CHD7: variants seen among roughly 807,000 people sequenced by gnomAD.
The protein encoded by CHD7 is chromodomain helicase DNA binding protein 7, also known as ATP-dependent chromatin remodeler CHD7.
In CHD7, 24 loss-of-function variants were observed where a neutral mutation model predicts 307.3. The observed-to-expected ratio is 0.08, with a 90% confidence interval of 0.06 to 0.11. CHD7 has a LOEUF of 0.11. Ranked by LOEUF, CHD7 falls within the 10% of genes least tolerant of loss-of-function variation. The probability of loss-of-function intolerance (pLI) is 1.00; values close to 1 mark genes in which losing one functional copy is unlikely to be tolerated. For synonymous variants in CHD7, 1,363 were observed against 1,349.9 expected (o/e 1.01, Z -0.21); for missense variants, 3,106 against 3,727.1 (o/e 0.83, Z 4.34).
intron 14 of CHD7, among the ~76,000 whole-genome samples, chr8:60,829,609 GGAAAA>G (rs1010437342): frequency 2.0e-5 from 3 of 151,922 alleles, no homozygotes; most frequent in African/African-American, 7.3e-5. Flanking sequence ...TCAAAAAAAA[GGAAAA>G]GAAAAGAAAA....
intron 1 of CHD7, among the ~76,000 whole-genome samples, chr8:60,739,435 A>G (rs1266202110): frequency 6.6e-6 from 1 of 152,194 alleles, no homozygotes; most frequent in Non-Finnish European, 1.5e-5. Flanking sequence ...CTGGCACTGG[A>G]GATGTCTACT....
At chr8:60,837,516 G>A (rs1009154321) in intron 17 of CHD7, among the ~76,000 whole-genome samples, 152 bp from the exon 18 acceptor site, 21 of 152,120 alleles carry the variant, frequency 1.4e-4, no homozygotes, top group African/African-American at 3.6e-4. Context: ...AATCCTGTTC[G>A]TGAGGACTCC....
At chr8:60,787,076 T>A (rs1160930961) in intron 3 of CHD7, among the ~76,000 whole-genome samples, 1 of 152,170 alleles carries the variant, frequency 6.6e-6, no homozygotes, top group Non-Finnish European at 1.5e-5. Flanking sequence ...CCCTTAAACT[T>A]CCATAGAATA....
At chr8:60,842,084 T>C in intron 21 of CHD7, 32 bp downstream of exon 21, 14 of 1,545,312 alleles carry the variant, frequency 9.1e-6, no homozygotes, top group Non-Finnish European at 1.2e-5. Context: ...AGATAGAATT[T>C]TATTGTAACA....
intron 1 of CHD7, among the ~76,000 whole-genome samples, chr8:60,734,322 C>T (rs142133863): frequency 2.2e-4 from 33 of 152,284 alleles, no homozygotes; most frequent in Middle Eastern, 3.4e-3. Flanking sequence ...TGAGAGTCTG[C>T]GTCTCTTACC....
chr8:60,733,792 C>CA (rs35440906), intron 1 of CHD7, among the ~76,000 whole-genome samples: 35,536 of 151,234 alleles, frequency 0.23, 4,693 homozygotes, highest in African/African-American at 0.36. Flanking sequence ...TTTTTTTTAT[C>CA]ATAAAGGCTA....
chr8:60,681,433 A>C (rs1053152187), intron 1 of CHD7, among the ~76,000 whole-genome samples: 11 of 152,210 alleles, frequency 7.2e-5, no homozygotes, highest in African/African-American at 2.7e-4. Context: ...AAGAGGCTGA[A>C]AGCTAGATGC....
chr8:60,793,647 AC>A (rs1163727301), intron 3 of CHD7, among the ~76,000 whole-genome samples: 4 of 152,218 alleles, frequency 2.6e-5, no homozygotes, highest in Non-Finnish European at 4.4e-5. Context: ...TTCTGTCAGC[AC>A]ATTTTCCTGA....
intron 34 of CHD7, among the ~76,000 whole-genome samples, chr8:60,859,577 A>G (rs1046020210): frequency 1.3e-5 from 2 of 152,198 alleles, no homozygotes; most frequent in African/African-American, 2.4e-5. Context: ...AGTGGAGGGA[A>G]GAGGATATGG....
At chr8:60,800,344 T>G (rs768027937) in intron 4 of CHD7, 44 bp from the exon 5 acceptor site, 3 of 1,595,746 alleles carry the variant, frequency 1.9e-6, no homozygotes, top group East Asian at 4.5e-5. Flanking sequence ...ATTTTTCTTT[T>G]TAATCATTAA....
Position 60,844,883 on chromosome 8 carries a change from A to G in CHD7, c.4870A>G (p.Ile1624Val), listed in dbSNP as rs1563651893. 6.2e-7 allele frequency: 1 copy of G among 1,604,120 alleles called. No individual in the cohort carries two copies. The highest frequency in any genetic ancestry group is 8.5e-7 in the Non-Finnish European group (1 of 1,172,962). ...TTGCAGTTGGGGACGGTGGACAGAC[A>G]TTCTTTCCCACGGACGCTATAAACG... ...LVYGWGRWTD[I>V]LSHGRYKRQL... The change falls in exon 22 of 38, where the codon ATT (isoleucine) becomes GTT (valine). Residue 1624 changes from isoleucine (I) to valine (V), a missense_variant. Ile to Val is a conservative substitution (Grantham distance 29). Around this residue, in one of 10 missense-constraint regions of CHD7, gnomAD observed 122 missense variants for 124.5 expected, o/e 0.98. Coordinates refer to ENST00000423902, the MANE Select transcript of CHD7 (RefSeq NM_017780.4).
At chr8:60,743,437 TTGTG>T (rs113886428) in intron 2 of CHD7, among the ~76,000 whole-genome samples, 1 of 152,202 alleles carries the variant, frequency 6.6e-6, no homozygotes, top group South Asian at 2.1e-4. Context: ...TTCTCTTTCT[TTGTG>T]TGTGTGTGTT....
intron 1 of CHD7, among the ~76,000 whole-genome samples, chr8:60,694,716 C>G (rs1335422820): frequency 6.6e-6 from 1 of 152,154 alleles, no homozygotes; most frequent in Non-Finnish European, 1.5e-5. Flanking sequence ...CCACTGCCAC[C>G]CCCTGTTGCC....
chr8:60,694,498 G>A (rs757967593), intron 1 of CHD7, among the ~76,000 whole-genome samples: 16 of 152,214 alleles, frequency 1.1e-4, no homozygotes, highest in Non-Finnish European at 1.5e-4. Flanking sequence ...ATCAGAAAGC[G>A]TGACTTGCCC....
At chr8:60,796,614 A>AG (rs765391631) in intron 4 of CHD7, among the ~76,000 whole-genome samples, 1 of 65,922 alleles carries the variant, frequency 1.5e-5, no homozygotes, top group Non-Finnish European at 3.0e-5. Flanking sequence ...TACTAGCTTT[A>AG]GGGTTTTTTT....
chr8:60,759,463 C>T (rs1051069738), intron 2 of CHD7, among the ~76,000 whole-genome samples: 8 of 148,162 alleles, frequency 5.4e-5, no homozygotes, highest in Non-Finnish European at 8.9e-5. Context: ...CTCTCTCCCT[C>T]CCTCTCTCCC....
intron 1 of CHD7, among the ~76,000 whole-genome samples, chr8:60,679,995 C>A (rs1047015527): frequency 6.6e-5 from 10 of 151,680 alleles, no homozygotes; most frequent in African/African-American, 2.4e-4. Flanking sequence ...GGGCGAGCGC[C>A]GGGAGGCGCG....
At chr8:60,788,456 A>G (rs1406497767) in intron 3 of CHD7, among the ~76,000 whole-genome samples, 3 of 152,184 alleles carry the variant, frequency 2.0e-5, no homozygotes, top group African/African-American at 7.2e-5. Context: ...CTAATTTTGA[A>G]GAACTTAAAA....
intron 1 of CHD7, among the ~76,000 whole-genome samples, chr8:60,686,563 A>G (rs900503): frequency 0.48 from 73,164 of 151,990 alleles, 21,598 homozygotes; most frequent in East Asian, 0.75. Flanking sequence ...CTGAGGAGGC[A>G]GCAGAGGTCA....
Sources: allele counts gnomAD v4.1 joint callset (sites outside exome capture counted in the v4.1 genomes callset), GRCh38; gene constraint gnomAD v4.1.1; regional missense constraint gnomAD v4.1.1; transcripts MANE v1.5; gene names NCBI Gene and HGNC (gene_info 2026-07-23, HGNC 2026-07-21).